Variants in DCHS1 observed in about 807,000 individuals in gnomAD.
DCHS1 encodes protocadherin-16.
Under a neutral mutation model 213.9 loss-of-function variants are expected in DCHS1, and 78 were observed. That is an observed-to-expected ratio of 0.36 (90% confidence interval 0.30 to 0.44). The LOEUF (loss-of-function observed/expected upper bound fraction) is 0.44, where lower values mean the gene tolerates loss of function less well. Ranked by LOEUF, DCHS1 falls within the 20% of genes least tolerant of loss-of-function variation. The pLI is 1.00. For synonymous variants in DCHS1, 1,828 were observed against 1,873.7 expected (o/e 0.98, Z 0.63); for missense variants, 3,946 against 4,395.9 (o/e 0.90, Z 2.89).
intron 1 of DCHS1, among the ~76,000 whole-genome samples, chr11:6,647,646 C>A (rs1310932700): frequency 6.6e-6 from 1 of 152,208 alleles, no homozygotes; most frequent in African/African-American, 2.4e-5. Flanking sequence ...GAAGGAATCC[C>A]GGCTTCCATT....
chr11:6,621,902 CAGAG>C lies in DCHS1; in HGVS notation c.9770_9773del (p.Ser3257CysfsTer137). On this transcript the variant is annotated frameshift_variant, in exon 21 of 21. Coordinates refer to ENST00000299441, the MANE Select transcript of DCHS1 (RefSeq NM_003737.4). LOFTEE classifies it high-confidence loss of function. The stretch of plus-strand genomic sequence containing the variant: ...CGGGTGAGCGAGCAGCCAGAGGAGA[CAGAG>C]AGGGTGAGAAGCTGGGGGACATGGC... The C allele has an allele frequency of 6.2e-7, 1 of 1,613,046 alleles. No homozygotes were observed. The highest frequency in any genetic ancestry group is 8.5e-7 in the Non-Finnish European group (1 of 1,179,498).
rs1294233996 is a variant in DCHS1, at chr11:6,621,866, T to C, written c.9810A>G (p.Pro3270=). The change falls in exon 21 of 21, where the codon CCA becomes CCG. Residue 3270 remains proline, a synonymous_variant. Coordinates refer to ENST00000299441, the MANE Select transcript of DCHS1 (RefSeq NM_003737.4). ...CTGAGGGACCCTGGGCCACCCCAAA[T>C]GGTGAGACAACGGGTGAGCGAGCAG... is the stretch of plus-strand genomic sequence containing the variant. ...PLAARSPVVS[P]FGVAQGPSAS... 1 of 1,611,702 alleles carries C rather than the reference T, an allele frequency of 6.2e-7. No individual in the cohort carries two copies. Among genetic ancestry groups the C allele is most frequent in the Non-Finnish European group, 8.5e-7 (1 of 1,179,022 alleles).
At chr11:6,650,942 G>C (rs949706720) in intron 1 of DCHS1, among the ~76,000 whole-genome samples, 2 of 152,220 alleles carry the variant, frequency 1.3e-5, no homozygotes, top group African/African-American at 4.8e-5. Context: ...AGCAGAGTAA[G>C]TGAGTAGTGT....
In DCHS1 at chr11:6,641,214, C is replaced by T. The variant is rs1856068470; in HGVS notation, c.400G>A (p.Ala134Thr). 1.2e-6 allele frequency: 2 copies of T among 1,613,720 alleles called. No homozygotes were observed. Among genetic ancestry groups the T allele is most frequent in the Non-Finnish European group, 1.7e-6 (2 of 1,179,888 alleles). The change falls in exon 2 of 21, where the codon GCT becomes ACT. Residue 134 changes from alanine (A) to threonine (T), a missense_variant. Ala to Thr is a moderately conservative substitution (Grantham distance 58). Transcript: ENST00000299441. This position sits in a 1 kb window ranked among gnomAD's most constrained non-coding sequence, Gnocchi z 7.1. ...GCTGGAGCATGGTCGTTGATGTCAG[C>T]CACTCGCACTGTAACTTCTACGGTG... The part of the protein sequence containing the change: ...GATVEVTVRV[A>T]DINDHAPAFP...
chr11:6,642,502 T>A (rs1856094066), intron 1 of DCHS1, among the ~76,000 whole-genome samples: 1 of 151,978 alleles, frequency 6.6e-6, no homozygotes, highest in South Asian at 2.1e-4. Flanking sequence ...AATAACTAGG[T>A]GCTAGCTAGG....
intron 1 of DCHS1, among the ~76,000 whole-genome samples, chr11:6,645,653 A>G (rs1856143511): frequency 6.6e-6 from 1 of 152,214 alleles, no homozygotes; most frequent in Non-Finnish European, 1.5e-5. Context: ...TCAGACTTCA[A>G]GAGGAGAGAC....
In DCHS1 at chr11:6,623,603, T is replaced by C. The variant is rs1214775235; in HGVS notation, c.8073A>G (p.Pro2691=). Residue 2691 remains proline, a synonymous_variant, in exon 21 of 21, where the codon CCA becomes CCG. Coordinates refer to ENST00000299441, the MANE Select transcript of DCHS1 (RefSeq NM_003737.4). ...DPAGAHFALA[P]VTIEVQDVND... The stretch of plus-strand genomic sequence containing the variant: ...TCACATCCTGGACCTCAATTGTCAC[T>C]GGTGCCAAAGCAAAGTGTGCACCAG... 6.2e-7 allele frequency: 1 copy of C among 1,613,828 alleles called. No homozygotes were observed. The highest frequency in any genetic ancestry group is 1.7e-5 in the Admixed American group (1 of 60,004).
Position 6,623,853 on chromosome 11 carries a change from C to T in DCHS1, c.7823G>A (p.Arg2608His), listed in dbSNP as rs374433580. 1.4e-5 allele frequency: 22 copies of T among 1,611,796 alleles called. No homozygotes were observed. Among genetic ancestry groups the T allele is most frequent in the South Asian group, 2.2e-5 (2 of 91,032 alleles). ...AGGTGTGTCCTCAGGTACTGTCACACGGTAGGATGCTCGGGTAAAGACAGG... is the reference window on the plus strand; with the variant it reads ...AGGTGTGTCCTCAGGTACTGTCACATGGTAGGATGCTCGGGTAAAGACAGG... ...NPPVFTRASY[R>H]VTVPEDTPVG... Residue 2608 changes from arginine (R) to histidine (H), a missense_variant, in exon 21 of 21, where the codon CGT becomes CAT. Physicochemically the swap from Arg to His is conservative, Grantham distance 29. This residue lies in a region of DCHS1 where 3,384 missense variants were observed against 3,780.1 expected (regional missense o/e 0.90). Coordinates refer to ENST00000299441, the MANE Select transcript of DCHS1 (RefSeq NM_003737.4).
chr11:6,635,798 C>A (rs1855978528), intron 2 of DCHS1, among the ~76,000 whole-genome samples: 1 of 152,184 alleles, frequency 6.6e-6, no homozygotes, highest in African/African-American at 2.4e-5. Flanking sequence ...AGGAAGAAAG[C>A]AATAAACAGT....
At chr11:6,654,530 A>G (rs1856287538) in intron 1 of DCHS1, among the ~76,000 whole-genome samples, 1 of 152,086 alleles carries the variant, frequency 6.6e-6, no homozygotes, top group African/African-American at 2.4e-5. Context: ...TGTTGGTTGC[A>G]GCATTTCTCC....
chr11:6,655,788 C>A lies in DCHS1; in HGVS notation c.-346G>T, dbSNP rs1034856676. The A allele has an allele frequency of 2.0e-6, 2 of 976,074 alleles. No homozygotes were observed. The highest frequency in any genetic ancestry group is 1.8e-5 in the African/African-American group (1 of 56,026). 60.5% of individuals were successfully genotyped at this position (976,074 alleles called of 1,614,324 possible). A position where few individuals can be genotyped will look rare whatever the true frequency, so the allele number is the denominator to read the frequency against. ...GGCGCCGCCTCCTGCACAGCCGCCC[C>A]GCCGAGGATGCGAGCTCCGCTGCCG... On this transcript the variant is annotated 5_prime_UTR_variant, in exon 1 of 21. Coordinates refer to ENST00000299441, the MANE Select transcript of DCHS1 (RefSeq NM_003737.4).
chr11:6,623,837 C>A lies in DCHS1; in HGVS notation c.7839G>T (p.Glu2613Asp), dbSNP rs2659876. The A allele has an allele frequency of 6.2e-7, 1 of 1,613,046 alleles. No individual in the cohort carries two copies. The highest frequency in any genetic ancestry group is 2.2e-5 in the East Asian group (1 of 44,858). The change falls in exon 21 of 21, where the codon GAG becomes GAT. Residue 2613 changes from glutamate (E) to aspartate (D), a missense_variant. Around this residue, in one of 3 missense-constraint regions of DCHS1, gnomAD observed 3,384 missense variants for 3,780.1 expected, o/e 0.90. Coordinates refer to ENST00000299441, the MANE Select transcript of DCHS1 (RefSeq NM_003737.4). ...GCAGCTCAGCTCCAACAGGTGTGTC[C>A]TCAGGTACTGTCACACGGTAGGATG... ...TRASYRVTVP[E>D]DTPVGAELLH...
In DCHS1 at chr11:6,640,255, C is replaced by A. The variant is rs1856047547; in HGVS notation, c.1359G>T (p.Arg453=). ...CGTGCAGCACAAAGGCAGCCTCAGC[C>A]CGCAGTGGAGGTGAGCCTGAGTCTG... ...TATDSGSPPL[R]AEAAFVLHVT... is the part of the protein sequence containing the mutation. Residue 453 remains arginine, a synonymous_variant, in exon 2 of 21, where the codon CGG becomes CGT. Coordinates refer to ENST00000299441, the MANE Select transcript of DCHS1 (RefSeq NM_003737.4). This position sits in a 1 kb window ranked among gnomAD's most constrained non-coding sequence, Gnocchi z 6.5. 6 of 1,610,884 alleles carry A rather than the reference C, an allele frequency of 3.7e-6. No homozygotes were observed. The East Asian group carries it at 1.3e-4, about 36-fold the overall frequency.
rs563438818 is a variant in DCHS1, at chr11:6,640,716, C to T, written c.898G>A (p.Glu300Lys). Reference protein sequence around the residue: ...VTYEINRRQSEGDGPFSIDAH... With the variant: ...VTYEINRRQSKGDGPFSIDAH... ...TCGATGGAGAAGGGTCCATCACCCT[C>T]GCTCTGCCTCCGGTTGATCTCGTAA... Residue 300 changes from glutamate (E) to lysine (K), a missense_variant, in exon 2 of 21, where the codon GAG becomes AAG. Transcript: ENST00000299441. The surrounding 1 kb of genome is among the most constrained non-coding windows in gnomAD (Gnocchi z 6.5). 7 of 1,613,920 alleles carry T rather than the reference C, an allele frequency of 4.3e-6. No individual in the cohort carries two copies. Among genetic ancestry groups the T allele is most frequent in the African/African-American group, 1.3e-5 (1 of 75,054 alleles).
At position 6,634,264 on chromosome 11, in the gene DCHS1, A is replaced by T. The variant is rs1855957724; in HGVS notation, c.1840T>A (p.Ser614Thr). 6.2e-7 allele frequency: 1 copy of T among 1,612,544 alleles called. No homozygotes were observed. The highest frequency in any genetic ancestry group is 1.7e-5 in the Admixed American group (1 of 59,814). The change falls in exon 3 of 21, where the codon TCC becomes ACC. Residue 614 changes from serine to threonine, a missense_variant. This residue lies in a region of DCHS1 where 3,384 missense variants were observed against 3,780.1 expected (regional missense o/e 0.90). Transcript: ENST00000299441. ...DADSGPFGLLSYSLGAGLGSS... is the reference protein window; with the variant it reads ...DADSGPFGLLTYSLGAGLGSS... ...CCAAGTCCAGCACCCAAGGAATAGG[A>T]GAGGAGGCCAAATGGGCCACTATCC... is the stretch of plus-strand genomic sequence containing the variant.
intron 1 of DCHS1, among the ~76,000 whole-genome samples, chr11:6,651,734 C>G (rs1170882420): frequency 1.3e-5 from 2 of 152,134 alleles, no homozygotes; most frequent in Non-Finnish European, 2.9e-5. Flanking sequence ...AGAACCAACA[C>G]GTTCCAAGGG....
chr11:6,647,294 T>G (rs1589963405), intron 1 of DCHS1, among the ~76,000 whole-genome samples: 3 of 148,650 alleles, frequency 2.0e-5, no homozygotes, highest in Non-Finnish European at 4.5e-5. Context: ...AAAGGGGAGG[T>G]GAGTTGAGGC....
chr11:6,646,885 G>T (rs1856165187), intron 1 of DCHS1, among the ~76,000 whole-genome samples: 1 of 152,162 alleles, frequency 6.6e-6, no homozygotes. Flanking sequence ...GAAGCAGGGG[G>T]AACATGGGAG....
Position 6,621,705 on chromosome 11 carries a change from A to G in DCHS1, c.*74T>C. ...AGCCAGTCATAGTCCGAGGCTGCCCAGGGCAGGCTCAGAGTGGGGCCTGCG... is the reference window on the plus strand; with the variant it reads ...AGCCAGTCATAGTCCGAGGCTGCCCGGGGCAGGCTCAGAGTGGGGCCTGCG... On this transcript the variant is annotated 3_prime_UTR_variant, in exon 21 of 21. Coordinates refer to ENST00000299441, the MANE Select transcript of DCHS1 (RefSeq NM_003737.4). 6.6e-7 allele frequency: 1 copy of G among 1,513,256 alleles called. No homozygotes were observed. The allele number at this position is 1,513,256 out of a possible 1,614,324, so 93.7% of individuals were successfully genotyped here.
Sources: gnomAD v4.1 joint callset for allele counts (sites outside exome capture counted in the v4.1 genomes callset) on GRCh38, gnomAD v4.1.1 for gene constraint, gnomAD v4.1.1 regional missense constraint, Gnocchi (gnomAD v3.1) non-coding constraint, MANE v1.5 for transcripts, NCBI Gene and HGNC (gene_info 2026-07-23, HGNC 2026-07-21) for gene names.